Variants in JUP observed in about 807,000 individuals in gnomAD.
JUP encodes junction plakoglobin.
In JUP, 28 loss-of-function variants were observed where a neutral mutation model predicts 71.1. That is an observed-to-expected ratio of 0.39 (90% CI 0.29 to 0.54). The LOEUF (loss-of-function observed/expected upper bound fraction) is 0.54, where lower values mean the gene tolerates loss of function less well. Ranked by LOEUF, JUP falls within the 20% of genes least tolerant of loss-of-function variation. The probability of loss-of-function intolerance (pLI) is 0.62; values close to 1 mark genes in which losing one functional copy is unlikely to be tolerated. For missense variants in JUP, 869 were observed against 1,030.1 expected (o/e 0.84, Z 2.14); for synonymous variants, 401 against 438.9 (o/e 0.91, Z 1.08).
intron 1 of JUP, among the ~76,000 whole-genome samples, chr17:41,781,888 A>G (rs782355905): frequency 6.6e-6 from 1 of 152,210 alleles, no homozygotes; most frequent in Non-Finnish European, 1.5e-5. Context: ...TCGGGCCTGC[A>G]GCTCTCAAGT....
At chr17:41,761,575 GCCAAAGTGGGTGGATCA>G (rs1362954666) in intron 8 of JUP, among the ~76,000 whole-genome samples, 30 of 152,066 alleles carry the variant, frequency 2.0e-4, no homozygotes, top group Non-Finnish European at 8.8e-5. Context: ...ACTTTGGAAG[GCCAAAGTGGGTGGATCA>G]CCAGAAGTCA....
chr17:41,758,868 T>C lies in JUP; in HGVS notation c.1500A>G (p.Ala500=). 6.2e-7 allele frequency: 1 copy of C among 1,604,610 alleles called. No homozygotes were observed. The highest frequency in any genetic ancestry group is 8.5e-7 in the Non-Finnish European group (1 of 1,174,052). ...CCAGATTCCTGATCAAGCCGATGGT[T>C]GCCTGGCAAAAAAAGGGGCAGTGAT... ...NQPNQWPLVK[A]TIGLIRNLAL... The change falls in exon 9 of 14, where the codon GCA becomes GCG. Residue 500 remains alanine, a splice_region_variant and synonymous_variant. Coordinates refer to ENST00000393931, the MANE Select transcript of JUP (RefSeq NM_002230.4).
intron 1 of JUP, among the ~76,000 whole-genome samples, chr17:41,780,127 T>A (rs2047090224): frequency 1.3e-5 from 2 of 152,130 alleles, no homozygotes; most frequent in Admixed American, 1.3e-4. Context: ...CTGGGCATGG[T>A]GGCTCATGCC....
At chr17:41,768,253 G>A (rs1261061049) in intron 4 of JUP, among the ~76,000 whole-genome samples, 1 of 152,150 alleles carries the variant, frequency 6.6e-6, no homozygotes, top group African/African-American at 2.4e-5. Context: ...ACAAAAATTA[G>A]CCAGGCATGG....
In JUP at chr17:41,783,702, C is replaced by T. The variant is rs1432801565; in HGVS notation, c.-9+2886G>A. 3.3e-5 allele frequency among the ~76,000 whole-genome samples: 5 copies of T among 151,758 alleles called. No individual in the cohort carries two copies. The East Asian group carries it at 7.8e-4, about 24-fold the overall frequency. Reference sequence around the variant, plus strand: ...TTGGGAGGCCGGGGCGGGCGAATCACGAGGTCAGGAGATCAAGACCAGCCT... The same window carrying T: ...TTGGGAGGCCGGGGCGGGCGAATCATGAGGTCAGGAGATCAAGACCAGCCT... On this transcript the variant is annotated intron_variant, in intron 1 of 13. Coordinates refer to ENST00000393931, the MANE Select transcript of JUP (RefSeq NM_002230.4).
chr17:41,758,260 A>G (rs1914199756), intron 10 of JUP, 139 bp downstream of exon 10: 6 of 1,075,316 alleles, frequency 5.6e-6, no homozygotes, highest in African/African-American at 3.1e-5. Flanking sequence ...TAAGTAGTCA[A>G]TCTGGAGTGG....
intron 12 of JUP, 94 bp from the exon 13 acceptor site, chr17:41,756,308 G>T: frequency 2.3e-6 from 3 of 1,292,490 alleles, no homozygotes; most frequent in Non-Finnish European, 3.3e-6. Flanking sequence ...GCTTCTAAAA[G>T]AGGGGGCCAG....
intron 12 of JUP, among the ~76,000 whole-genome samples, chr17:41,756,637 G>T (rs1046096537): frequency 6.6e-6 from 1 of 151,730 alleles, no homozygotes; most frequent in Non-Finnish European, 1.5e-5. Flanking sequence ...AGTGGCTCAC[G>T]CCTGTAATCC....
Position 41,765,032 on chromosome 17 carries a change from G to A in JUP, c.945C>T (p.Leu315=), listed in dbSNP as rs146804895. Residue 315 remains leucine (L), a synonymous_variant, in exon 6 of 14, where the codon CTC becomes CTT. Coordinates refer to ENST00000393931, the MANE Select transcript of JUP (RefSeq NM_002230.4). ...AACTGTAGTTACGCATGATCTGCAC[G>A]AGGGCCTGGGGCCCACCATTGGCCA... The part of the protein sequence containing the change: ...IILANGGPQA[L]VQIMRNYSYE... 4.0e-5 allele frequency: 65 copies of A among 1,613,962 alleles called. No individual in the cohort carries two copies. The highest frequency in any genetic ancestry group is 2.0e-4 in the South Asian group (18 of 91,090).
At chr17:41,763,444 C>T (rs1915219124) in intron 7 of JUP, 123 bp from the exon 8 acceptor site, 1 of 679,442 alleles carries the variant, frequency 1.5e-6, no homozygotes, top group East Asian at 2.7e-5. Flanking sequence ...TGCCCGGGAA[C>T]TTTCATCCCT....
At chr17:41,762,166 A>AGT (rs1285649470) in intron 8 of JUP, among the ~76,000 whole-genome samples, 27 of 66,968 alleles carry the variant, frequency 4.0e-4, no homozygotes, top group African/African-American at 1.6e-3. Flanking sequence ...AGAGAGAGAG[A>AGT]GAGAGAGAGA....
intron 2 of JUP, among the ~76,000 whole-genome samples, chr17:41,770,821 C>A (rs115778641): frequency 0.022 from 3,393 of 152,310 alleles, 56 homozygotes; most frequent in African/African-American, 0.026. Flanking sequence ...GCAGGTCAGC[C>A]GCAGAGGCCT....
At chr17:41,783,506 C>T (rs1555610856) in intron 1 of JUP, among the ~76,000 whole-genome samples, 1 of 151,758 alleles carries the variant, frequency 6.6e-6, no homozygotes, top group South Asian at 2.1e-4. Flanking sequence ...CCAGGCTGGT[C>T]TGGAACTCCT....
chr17:41,778,499 G>C lies in JUP; in HGVS notation c.-8-6637C>G, dbSNP rs368704658. Among the ~76,000 whole-genome samples the C allele has an allele frequency of 1.1e-4, 17 of 150,966 alleles. 2 individuals carry two copies. The highest frequency in any genetic ancestry group is 5.9e-4 in the East Asian group (3 of 5,094). ...GGAGGATCGCTTGAGCCCAGGAAGA[G>C]GAGGTTGCAGTGAGCTGAGATCTGC... On this transcript the variant is annotated intron_variant, in intron 1 of 13. Coordinates refer to ENST00000393931, the MANE Select transcript of JUP (RefSeq NM_002230.4).
chr17:41,772,870 C>T, intron 1 of JUP: 2 of 985,438 alleles, frequency 2.0e-6, no homozygotes, highest in Non-Finnish European at 2.4e-6. Flanking sequence ...GGTGAACTTC[C>T]CGCTTGGTCT....
At position 41,763,203 on chromosome 17, in the gene JUP, T is replaced by C; in HGVS notation, c.1277A>G (p.Lys426Arg). The change falls in exon 8 of 14, where the codon AAG (lysine) becomes AGG (arginine). Residue 426 changes from lysine to arginine, a missense_variant. Coordinates refer to ENST00000393931, the MANE Select transcript of JUP (RefSeq NM_002230.4). ...ACCGCTGTTCTGTGTCACCAGCGTC[T>C]TGTTCTTGCTGTTGTTGCATGTCAG... ...SNLTCNNSKN[K>R]TLVTQNSGVE... 1 of 1,614,244 alleles carries C rather than the reference T, an allele frequency of 6.2e-7. No homozygotes were observed. Among genetic ancestry groups the C allele is most frequent in the Non-Finnish European group, 8.5e-7 (1 of 1,180,030 alleles).
chr17:41,755,296 T>C lies in JUP; in HGVS notation c.*448A>G. The C allele has an allele frequency of 2.5e-6, 1 of 400,294 alleles. No individual in the cohort carries two copies. Among genetic ancestry groups the C allele is most frequent in the Admixed American group, 4.4e-5 (1 of 22,934 alleles). 24.8% of individuals were successfully genotyped at this position (400,294 alleles called of 1,614,324 possible). ...ACAGAAAAGCAGGAGCAGAACACTA[T>C]CCCAAGAAAGACCCTACGGAGGACC... On this transcript the variant is annotated 3_prime_UTR_variant, in exon 14 of 14. Transcript: ENST00000393931.
intron 1 of JUP, among the ~76,000 whole-genome samples, chr17:41,784,489 A>G (rs2047351684): frequency 6.6e-6 from 1 of 152,178 alleles, no homozygotes; most frequent in Admixed American, 6.5e-5. Flanking sequence ...CATCACAGCC[A>G]CAAACCAGAT....
At position 41,763,156 on chromosome 17, in the gene JUP, T is replaced by C. The variant is rs142213474; in HGVS notation, c.1324A>G (p.Ile442Val). 2 of 1,614,248 alleles carry C rather than the reference T, an allele frequency of 1.2e-6. No homozygotes were observed. Among genetic ancestry groups the C allele is most frequent in the East Asian group, 4.5e-5 (2 of 44,882 alleles). ...TCGTCCTTGTCACCAGCACGCAGGA[T>C]GGCATGGATGAGAGCCTCCACACCG... ...NSGVEALIHA[I>V]LRAGDKDDIT... Residue 442 changes from isoleucine (I) to valine (V), a missense_variant, in exon 8 of 14, where the codon ATC (isoleucine) becomes GTC (valine). Physicochemically the swap from Ile to Val is conservative, Grantham distance 29. Transcript: ENST00000393931.
Sources: gnomAD v4.1 joint callset for allele counts (sites outside exome capture counted in the v4.1 genomes callset) on GRCh38, gnomAD v4.1.1 for gene constraint, MANE v1.5 for transcripts, NCBI Gene and HGNC (gene_info 2026-07-23, HGNC 2026-07-21) for gene names.